Variants in UGCG observed in about 807,000 individuals in gnomAD.
UGCG encodes the protein ceramide glucosyltransferase.
A neutral mutation model predicts 49.5 loss-of-function variants in UGCG; 10 were observed. The observed-to-expected ratio is 0.20, with a 90% CI of 0.12 to 0.34. The LOEUF (loss-of-function observed/expected upper bound fraction) is 0.34, where lower values mean the gene tolerates loss of function less well. UGCG is among the 10% of genes least tolerant of loss of function. The pLI is 1.00. For missense variants in UGCG, 312 were observed against 483.7 expected (o/e 0.65, Z 3.33); for synonymous variants, 182 against 158.2 (o/e 1.15, Z -1.13).
At chr9:111,917,131 A>G (rs1838126715) in intron 2 of UGCG, among the ~76,000 whole-genome samples, 1 of 152,246 alleles carries the variant, frequency 6.6e-6, no homozygotes, top group Non-Finnish European at 1.5e-5. Flanking sequence ...AGCTATTTTG[A>G]CATTCATTGT....
At chr9:111,906,247 T>C (rs1837880197) in intron 1 of UGCG, among the ~76,000 whole-genome samples, 1 of 152,190 alleles carries the variant, frequency 6.6e-6, no homozygotes, top group Non-Finnish European at 1.5e-5. Flanking sequence ...CCATCTCTCA[T>C]TGTGCCCAGA....
Position 111,903,078 on chromosome 9 carries a change from G to A in UGCG, c.98+5765G>A, listed in dbSNP as rs566759822. On this transcript the variant is annotated intron_variant, in intron 1 of 8. Coordinates refer to ENST00000374279, the MANE Select transcript of UGCG (RefSeq NM_003358.3). ...CAGGCATGAGCCACTGTACCCAGCC[G>A]AGTGAAATTCTTGTGCCTCACTTGT... 1.3e-4 allele frequency among the ~76,000 whole-genome samples: 20 copies of A among 150,906 alleles called. No homozygotes were observed. The South Asian group carries it at 1.5e-3, about 12-fold the overall frequency.
chr9:111,905,236 A>G (rs1589517960), intron 1 of UGCG, among the ~76,000 whole-genome samples: 1 of 152,098 alleles, frequency 6.6e-6, no homozygotes, highest in Admixed American at 6.5e-5. Context: ...AACTGCCCCA[A>G]TTCTTGCCAA....
chr9:111,932,798 A>T (rs1289714300), intron 8 of UGCG, 29 bp from the exon 9 acceptor site: 1 of 1,523,262 alleles, frequency 6.6e-7, no homozygotes. Context: ...CAGTGAGTGA[A>T]ATTAAAAAAT....
intron 2 of UGCG, chr9:111,915,934 G>C: frequency 1.5e-6 from 1 of 656,088 alleles, no homozygotes; most frequent in Non-Finnish European, 1.9e-6. Context: ...AGTATTGGAA[G>C]CTGTTTTGAA....
At chr9:111,906,097 G>A (rs554929882) in intron 1 of UGCG, among the ~76,000 whole-genome samples, 63 of 152,218 alleles carry the variant, frequency 4.1e-4, no homozygotes, top group African/African-American at 1.3e-3. Flanking sequence ...TCTTCATCTG[G>A]TTTATTCACT....
At chr9:111,910,570 AT>A (rs1293256674) in intron 1 of UGCG, among the ~76,000 whole-genome samples, 18 of 151,982 alleles carry the variant, frequency 1.2e-4, no homozygotes. Flanking sequence ...GATGTCAGTG[AT>A]TGTAACTGTC....
chr9:111,913,991 G>A (rs915441743), intron 1 of UGCG, among the ~76,000 whole-genome samples: 1 of 152,032 alleles, frequency 6.6e-6, no homozygotes, highest in African/African-American at 2.4e-5. Context: ...TGCTTGCCAT[G>A]CAGACTGCTT....
intron 1 of UGCG, among the ~76,000 whole-genome samples, chr9:111,903,420 C>T (rs965154923): frequency 6.6e-6 from 1 of 150,766 alleles, no homozygotes; most frequent in Non-Finnish European, 1.5e-5. Context: ...CAAAAATTAG[C>T]TGGGTGTGGT....
At chr9:111,922,163 A>G (rs1838239640) in intron 2 of UGCG, among the ~76,000 whole-genome samples, 1 of 152,064 alleles carries the variant, frequency 6.6e-6, no homozygotes, top group Admixed American at 6.6e-5. Context: ...GCCTTTCTTA[A>G]TTTACTGTTA....
chr9:111,902,094 T>C (rs1837785883), intron 1 of UGCG, among the ~76,000 whole-genome samples: 1 of 152,232 alleles, frequency 6.6e-6, no homozygotes, highest in Admixed American at 6.5e-5. Context: ...TTACTTTCTT[T>C]CTTTTTTCTT....
At chr9:111,906,125 G>A (rs1359435859) in intron 1 of UGCG, among the ~76,000 whole-genome samples, 1 of 151,992 alleles carries the variant, frequency 6.6e-6, no homozygotes, top group East Asian at 1.9e-4. Flanking sequence ...TCTACCTGTG[G>A]GCATTATTTA....
intron 6 of UGCG, among the ~76,000 whole-genome samples, chr9:111,930,470 G>GTT (rs35175614): frequency 3.0e-5 from 4 of 132,972 alleles, no homozygotes; most frequent in African/African-American, 5.6e-5. Context: ...TTTTGTTTTG[G>GTT]TTTTTTTTTT....
chr9:111,926,942 G>T (rs1307499785), intron 5 of UGCG, among the ~76,000 whole-genome samples: 2 of 134,946 alleles, frequency 1.5e-5, no homozygotes, highest in African/African-American at 5.7e-5. Flanking sequence ...GCACGATCTC[G>T]GCTCACTGCA....
intron 2 of UGCG, among the ~76,000 whole-genome samples, chr9:111,916,375 A>AT: frequency 6.6e-6 from 1 of 152,256 alleles, no homozygotes; most frequent in East Asian, 1.9e-4. Context: ...TGGTCATGGA[A>AT]TTTTTACGTT....
At chr9:111,922,805 A>C in intron 2 of UGCG, 44 bp from the exon 3 acceptor site, 2 of 1,467,626 alleles carry the variant, frequency 1.4e-6, no homozygotes, top group Non-Finnish European at 1.9e-6. Flanking sequence ...GTAAGTGCTT[A>C]TTTTTTTAAA....
intron 1 of UGCG, among the ~76,000 whole-genome samples, chr9:111,911,407 A>G (rs1303379571): frequency 6.6e-6 from 1 of 152,202 alleles, no homozygotes; most frequent in Admixed American, 6.5e-5. Flanking sequence ...GAATATGTAC[A>G]TATATAATTC....
At chr9:111,898,581 T>C (rs970486096) in intron 1 of UGCG, among the ~76,000 whole-genome samples, 1 of 152,182 alleles carries the variant, frequency 6.6e-6, no homozygotes, top group Non-Finnish European at 1.5e-5. Flanking sequence ...TTTTTGGAGT[T>C]GGTGAGCTTA....
intron 1 of UGCG, among the ~76,000 whole-genome samples, chr9:111,906,306 C>G (rs978222836): frequency 1.3e-5 from 2 of 152,150 alleles, no homozygotes; most frequent in African/African-American, 2.4e-5. Flanking sequence ...AGGTATACCC[C>G]TCATTATCCC....
Sources: gnomAD v4.1 joint callset for allele counts (sites outside exome capture counted in the v4.1 genomes callset) on GRCh38, gnomAD v4.1.1 for gene constraint, MANE v1.5 for transcripts, NCBI Gene and HGNC (gene_info 2026-07-23, HGNC 2026-07-21) for gene names.